Variants in KBTBD4 observed in about 807,000 individuals in gnomAD.
The protein encoded by KBTBD4 is kelch repeat and BTB domain containing 4, also known as kelch repeat and BTB domain-containing protein 4.
Under a neutral mutation model 43.9 loss-of-function variants are expected in KBTBD4, and 30 were observed. That is an observed-to-expected ratio of 0.68 (90% CI 0.51 to 0.93). The LOEUF (loss-of-function observed/expected upper bound fraction) is 0.93. Ranked by LOEUF, KBTBD4 falls within the 40% of genes least tolerant of loss-of-function variation. The probability of loss-of-function intolerance (pLI) is 0.00; values close to 1 mark genes in which losing one functional copy is unlikely to be tolerated. For missense variants in KBTBD4, 575 were observed against 668.8 expected, an observed-to-expected ratio of 0.86 and a Z score of 1.55; for synonymous variants, 258 against 256.9, an observed-to-expected ratio of 1.00 and a Z score of -0.04.
In KBTBD4 at chr11:47,572,835, CAA is replaced by C; in HGVS notation, c.*93_*94del. ...GAGGCACTGCCTTTCTAGTATGTGC[CAA>C]AAAAAACATAACTCTGAATTGGGGC... On this transcript the variant is annotated 3_prime_UTR_variant, in exon 4 of 4. Coordinates refer to ENST00000430070, the MANE Select transcript of KBTBD4 (RefSeq NM_018095.6). The C allele has an allele frequency of 7.2e-7, 1 of 1,384,994 alleles. No homozygotes were observed. Among genetic ancestry groups the C allele is most frequent in the Admixed American group, 2.3e-5 (1 of 42,878 alleles). 85.8% of individuals were successfully genotyped at this position (1,384,994 alleles called of 1,614,324 possible). A position where few individuals can be genotyped will look rare whatever the true frequency, so the allele number is the denominator to read the frequency against.
rs1301855420 is a variant in KBTBD4 at position 47,575,714 on chromosome 11, G to A, written c.638-15C>T. 9 of 1,495,238 alleles carry A rather than the reference G, an allele frequency of 6.0e-6. No homozygotes were observed. The highest frequency in any genetic ancestry group is 8.3e-6 in the Non-Finnish European group (9 of 1,080,604). 92.6% of individuals were successfully genotyped at this position (1,495,238 alleles called of 1,614,324 possible). ...CGGAACTCCATCTGTGAGAGCCAGA[G>A]GAAAGGCATGGTCAATGACAATCCG... is the stretch of plus-strand genomic sequence containing the variant. On this transcript the variant is annotated splice_polypyrimidine_tract_variant and intron_variant, in intron 2 of 3. Transcript: ENST00000430070.
chr11:47,574,436 G>C (rs1224423122), intron 3 of KBTBD4, among the ~76,000 whole-genome samples: 1 of 152,148 alleles, frequency 6.6e-6, no homozygotes, highest in African/African-American at 2.4e-5. Context: ...GGCGGAGGTT[G>C]CAGTGAGCTG....
chr11:47,573,560 C>T lies in KBTBD4; in HGVS notation c.975G>A (p.Glu325=), dbSNP rs1333823982. The part of the protein sequence containing the change: ...WKCNNATVDW[E]WCAPLPRDRL... ...GGTCCCGAGGCAAAGGAGCACACCACTCCCAGTCAACGGTGGCATTGTTGC... is the reference window on the plus strand; with the variant it reads ...GGTCCCGAGGCAAAGGAGCACACCATTCCCAGTCAACGGTGGCATTGTTGC... The change falls in exon 4 of 4, where the codon GAG becomes GAA. Residue 325 remains glutamate, a synonymous_variant. Transcript: ENST00000430070. This position sits in a 1 kb window ranked among gnomAD's most constrained non-coding sequence, Gnocchi z 4.1. 6.2e-7 allele frequency: 1 copy of T among 1,614,104 alleles called. No individual in the cohort carries two copies. The highest frequency in any genetic ancestry group is 8.5e-7 in the Non-Finnish European group (1 of 1,180,054).
At chr11:47,575,789 G>A in intron 2 of KBTBD4, 90 bp from the exon 3 acceptor site, 1 of 756,148 alleles carries the variant, frequency 1.3e-6, no homozygotes, top group Non-Finnish European at 2.3e-6. Context: ...CACTTTATTA[G>A]ACTACTGCTG....
rs746431319 is a variant in KBTBD4 at position 47,577,577 on chromosome 11, T to G, written c.471A>C (p.Thr157=). 1.2e-6 allele frequency: 2 copies of G among 1,614,082 alleles called. No homozygotes were observed. ...FEECSRFLAR[T]VQVGNCLQVM... is the part of the protein sequence containing the mutation. ...CCTGAAGGCAGTTTCCCACTTGCACTGTGCGGGCCAAAAACCGAGAGCATT... is the reference window on the plus strand; with the variant it reads ...CCTGAAGGCAGTTTCCCACTTGCACGGTGCGGGCCAAAAACCGAGAGCATT... The change falls in exon 2 of 4, where the codon ACA becomes ACC. Residue 157 remains threonine (T), a synonymous_variant. Transcript: ENST00000430070.
At position 47,573,785 on chromosome 11, in the gene KBTBD4, A is replaced by G. The variant is rs775712548; in HGVS notation, c.750T>C (p.Ile250=). 5.1e-6 allele frequency: 8 copies of G among 1,569,240 alleles called. No individual in the cohort carries two copies. Among genetic ancestry groups the G allele is most frequent in the South Asian group, 4.5e-5 (4 of 88,832 alleles). ...TCAGGTAAATGTGCACATTCTCCCCAATTTCCTATTGGCAAAATTAAAATT... is the reference window on the plus strand; with the variant it reads ...TCAGGTAAATGTGCACATTCTCCCCGATTTCCTATTGGCAAAATTAAAATT... The part of the protein sequence containing the change: ...AESLRTSLKE[I]GENVHIYLIG... Residue 250 remains isoleucine, a synonymous_variant, in exon 4 of 4, where the codon ATT becomes ATC. Coordinates refer to ENST00000430070, the MANE Select transcript of KBTBD4 (RefSeq NM_018095.6). This position sits in a 1 kb window ranked among gnomAD's most constrained non-coding sequence, Gnocchi z 4.1.
chr11:47,575,730 T>C (rs558719932), intron 2 of KBTBD4, 31 bp from the exon 3 acceptor site: 2 of 1,393,242 alleles, frequency 1.4e-6, no homozygotes, highest in South Asian at 1.2e-5. Flanking sequence ...GCATGGTCAA[T>C]GACAATCCGA....
chr11:47,578,070 G>A (rs1228326762), intron 1 of KBTBD4, 42 bp from the exon 2 acceptor site: 2 of 1,606,330 alleles, frequency 1.2e-6, no homozygotes, highest in South Asian at 2.2e-5. Flanking sequence ...GGAATTCACA[G>A]CCATAGTCTG....
intron 3 of KBTBD4, 170 bp downstream of exon 3, chr11:47,575,422 GT>G (rs1483588556): frequency 2.0e-6 from 1 of 505,634 alleles, no homozygotes; most frequent in Non-Finnish European, 3.6e-6. Context: ...CAGGAGAATG[GT>G]GTGAACCCGG....
In KBTBD4 at chr11:47,577,475, G is replaced by C. The variant is rs774675190; in HGVS notation, c.573C>G (p.Ala191=). 6 of 1,613,454 alleles carry C rather than the reference G, an allele frequency of 3.7e-6. No individual in the cohort carries two copies. In the South Asian group the frequency reaches 6.6e-5, roughly 18 times the overall value. The part of the protein sequence containing the change: ...AAKHCAKTHL[A]QLQNTEEFLH... The stretch of plus-strand genomic sequence containing the variant: ...GAAATTCCTCTGTATTCTGCAGCTG[G>C]GCCAGGTGGGTCTTGGCACAGTGCT... Residue 191 remains alanine (A), a synonymous_variant, in exon 2 of 4, where the codon GCC becomes GCG. Transcript: ENST00000430070.
Position 47,577,839 on chromosome 11 carries a change from C to T in KBTBD4, c.209G>A (p.Arg70Gln), listed in dbSNP as rs748476406. ...GACCAGCCGATGGAGCTGAAACTCC[C>T]GGCCTTCCACCGAAATGGTGACATC... ...FADVTISVEG[R>Q]EFQLHRLVLS... Residue 70 changes from arginine to glutamine, a missense_variant, in exon 2 of 4, where the codon CGG becomes CAG. By Grantham distance (43) the Arg-to-Gln change is conservative. Coordinates refer to ENST00000430070, the MANE Select transcript of KBTBD4 (RefSeq NM_018095.6). 5 of 1,614,034 alleles carry T rather than the reference C, an allele frequency of 3.1e-6. No homozygotes were observed. Among genetic ancestry groups the T allele is most frequent in the Admixed American group, 3.3e-5 (2 of 59,984 alleles).
Position 47,575,574 on chromosome 11 carries a change from A to C in KBTBD4, c.744+19T>G. ...GCATGGAGAGTATGCAGTCTCAACAATTAAGAGATTTGCCTTACCTTCAAG... is the reference window on the plus strand; with the variant it reads ...GCATGGAGAGTATGCAGTCTCAACACTTAAGAGATTTGCCTTACCTTCAAG... On this transcript the variant is annotated intron_variant, in intron 3 of 3. Transcript: ENST00000430070. The C allele has an allele frequency of 6.6e-7, 1 of 1,511,608 alleles. No individual in the cohort carries two copies. The highest frequency in any genetic ancestry group is 1.1e-5 in the South Asian group (1 of 88,842). 93.6% of individuals were successfully genotyped at this position (1,511,608 alleles called of 1,614,324 possible).
rs769674732 is a variant in KBTBD4 at position 47,573,752 on chromosome 11, T to A, written c.783A>T (p.Lys261Asn). 1.3e-6 allele frequency: 2 copies of A among 1,584,260 alleles called. No individual in the cohort carries two copies. Among genetic ancestry groups the A allele is most frequent in the Admixed American group, 3.4e-5 (2 of 59,552 alleles). Residue 261 changes from lysine to asparagine, a missense_variant, in exon 4 of 4, where the codon AAA becomes AAT. By Grantham distance (94) the Lys-to-Asn change is moderately conservative (BLOSUM62 0). Coordinates refer to ENST00000430070, the MANE Select transcript of KBTBD4 (RefSeq NM_018095.6). This position sits in a 1 kb window ranked among gnomAD's most constrained non-coding sequence, Gnocchi z 4.1. ...GENVHIYLIG[K>N]ESSRTHSLAV... Reference sequence around the variant, plus strand: ...CCAACGAGTGGGTACGAGATGACTCTTTCCCAATCAGGTAAATGTGCACAT... The same window carrying A: ...CCAACGAGTGGGTACGAGATGACTCATTCCCAATCAGGTAAATGTGCACAT...
intron 2 of KBTBD4, 125 bp downstream of exon 2, chr11:47,577,286 G>A: frequency 2.1e-6 from 2 of 941,138 alleles, no homozygotes; most frequent in Non-Finnish European, 3.1e-6. Context: ...ATCTCAGTAA[G>A]AATGCAGGAA....
At chr11:47,578,901 G>A in intron 1 of KBTBD4, 32 bp downstream of exon 1, 6 of 1,551,234 alleles carry the variant, frequency 3.9e-6, no homozygotes, top group Non-Finnish European at 5.2e-6. Context: ...CTCACCTCAC[G>A]ATTTCCCTAC....
At chr11:47,578,812 C>A in intron 1 of KBTBD4, 121 bp downstream of exon 1, 1 of 1,536,248 alleles carries the variant, frequency 6.5e-7, no homozygotes, top group South Asian at 1.2e-5. Context: ...ACGCCCGCCC[C>A]CTCCCCTCCT....
intron 2 of KBTBD4, 78 bp downstream of exon 2, chr11:47,577,333 C>T: frequency 7.0e-7 from 1 of 1,422,960 alleles, no homozygotes; most frequent in Non-Finnish European, 9.5e-7. Flanking sequence ...CTTGAGGGTT[C>T]TTTTCTCCTA....
Position 47,577,394 on chromosome 11 carries a change from C to T in KBTBD4, c.637+17G>A, listed in dbSNP as rs763505613. 5.7e-6 allele frequency: 9 copies of T among 1,584,024 alleles called. No individual in the cohort carries two copies. In the East Asian group the frequency reaches 1.8e-4, roughly 32 times the overall value. On this transcript the variant is annotated intron_variant, in intron 2 of 3. Coordinates refer to ENST00000430070, the MANE Select transcript of KBTBD4 (RefSeq NM_018095.6). Reference sequence around the variant, plus strand: ...AGCCAAGTAACTGGGTATGGTGTGTCCCCTCCCTAAACTTACCCGAGATGA... The same window carrying T: ...AGCCAAGTAACTGGGTATGGTGTGTTCCCTCCCTAAACTTACCCGAGATGA...
Position 47,572,580 on chromosome 11 carries a change from C to T in KBTBD4, c.*350G>A. 4.2e-6 allele frequency: 1 copy of T among 239,142 alleles called. No homozygotes were observed. The highest frequency in any genetic ancestry group is 8.8e-5 in the East Asian group (1 of 11,412). 14.8% of individuals were successfully genotyped at this position (239,142 alleles called of 1,614,324 possible). Reference sequence around the variant, plus strand: ...AACAAAAGTACAATTGGGCATCTTTCCTTATGTCCTGGGATCAGGGGTGCT... The same window carrying T: ...AACAAAAGTACAATTGGGCATCTTTTCTTATGTCCTGGGATCAGGGGTGCT... On this transcript the variant is annotated 3_prime_UTR_variant, in exon 4 of 4. Transcript: ENST00000430070.
Sources: allele counts gnomAD v4.1 joint callset (sites outside exome capture counted in the v4.1 genomes callset), GRCh38; gene constraint gnomAD v4.1.1; non-coding constraint Gnocchi (gnomAD v3.1); transcripts MANE v1.5; gene names NCBI Gene and HGNC (gene_info 2026-07-23, HGNC 2026-07-21).